AP3B1: variants seen among roughly 807,000 people sequenced by gnomAD.
AP3B1 encodes adaptor related protein complex 3 subunit beta 1, also known as AP-3 complex subunit beta-1.
In AP3B1, 61 loss-of-function variants were observed where a neutral mutation model predicts 132.5. The ratio of observed to expected loss-of-function variants is 0.46; its 90% CI spans 0.37 to 0.57. The LOEUF (loss-of-function observed/expected upper bound fraction) is 0.57, where lower values mean the gene tolerates loss of function less well. Among genes scored for constraint, AP3B1 ranks in the 20% least tolerant of loss-of-function variants. AP3B1 has a pLI of 0.00. For synonymous variants in AP3B1, 388 were observed against 438.3 expected (o/e 0.89, Z 1.43); for missense variants, 1,120 against 1,289.4 (o/e 0.87, Z 2.01).
chr5:78,149,775 C>G (rs1161581918), intron 14 of AP3B1, among the ~76,000 whole-genome samples: 1 of 152,186 alleles, frequency 6.6e-6, no homozygotes, highest in Non-Finnish European at 1.5e-5. Context: ...TCAAATTACT[C>G]TCTTAACCCC....
chr5:78,008,136 C>T (rs1223234397), intron 26 of AP3B1, among the ~76,000 whole-genome samples: 1 of 151,898 alleles, frequency 6.6e-6, no homozygotes, highest in Admixed American at 6.6e-5. Flanking sequence ...AGACATAAAA[C>T]ATCCCAGTTA....
intron 15 of AP3B1, among the ~76,000 whole-genome samples, chr5:78,139,311 T>C (rs979080034): frequency 5.3e-5 from 8 of 152,162 alleles, no homozygotes; most frequent in Admixed American, 6.5e-5. Context: ...AGGTATCATA[T>C]TGACTTTTGC....
intron 22 of AP3B1, chr5:78,041,900 G>A: frequency 2.1e-5 from 4 of 194,850 alleles, no homozygotes; most frequent in Non-Finnish European, 1.1e-5. Context: ...TCAGGCAGCT[G>A]CAGACTCTCC....
intron 1 of AP3B1, among the ~76,000 whole-genome samples, chr5:78,277,740 CA>C (rs1161482808): frequency 6.6e-6 from 1 of 152,148 alleles, no homozygotes; most frequent in East Asian, 1.9e-4. Context: ...GTTGAAAAAA[CA>C]AATGAAAGCA....
intron 1 of AP3B1, among the ~76,000 whole-genome samples, chr5:78,283,826 CT>C (rs33966526): frequency 0.23 from 34,316 of 152,190 alleles, 4,544 homozygotes; most frequent in Middle Eastern, 0.31. Flanking sequence ...CCAAGGTGAT[CT>C]TTTTAAAAAA....
chr5:78,079,778 A>G (rs1749910729), intron 22 of AP3B1, among the ~76,000 whole-genome samples: 1 of 152,214 alleles, frequency 6.6e-6, no homozygotes, highest in Non-Finnish European at 1.5e-5. Context: ...TCCCCCATCG[A>G]GCATCATGAG....
chr5:78,011,542 T>A (rs1228427742), intron 26 of AP3B1, among the ~76,000 whole-genome samples: 1 of 152,218 alleles, frequency 6.6e-6, no homozygotes, highest in Non-Finnish European at 1.5e-5. Flanking sequence ...TTTAAAAGTG[T>A]TAACGAAATA....
At chr5:78,069,154 A>C (rs1366859551) in intron 22 of AP3B1, among the ~76,000 whole-genome samples, 1 of 152,272 alleles carries the variant, frequency 6.6e-6, no homozygotes, top group Non-Finnish European at 1.5e-5. Context: ...CAATTATCAT[A>C]CTGAATGGGC....
chr5:78,190,676 T>C (rs1324067980), intron 7 of AP3B1, among the ~76,000 whole-genome samples: 1 of 152,192 alleles, frequency 6.6e-6, no homozygotes, highest in African/African-American at 2.4e-5. Context: ...TACTCATCTA[T>C]AAAAGCAGTA....
In AP3B1 at chr5:78,181,549, T is replaced by A. The variant is rs780112036; in HGVS notation, c.900A>T (p.Leu300Phe). The change falls in exon 8 of 27, where the codon TTA becomes TTT. Residue 300 changes from leucine to phenylalanine, a missense_variant. Leu to Phe is a conservative substitution (Grantham distance 22). This residue lies in a region of AP3B1 where 906 missense variants were observed against 997.1 expected (regional missense o/e 0.91). Transcript: ENST00000255194. Reference sequence around the variant, plus strand: ...GAAGCAAAGGCTTTGTATTTCTAATTAAGAGTCTATGATCTGGATCCATAG... The same window carrying A: ...GAAGCAAAGGCTTTGTATTTCTAATAAAGAGTCTATGATCTGGATCCATAG... The part of the protein sequence containing the change: ...PYTMDPDHRL[L>F]IRNTKPLLQS... 1 of 1,613,252 alleles carries A rather than the reference T, an allele frequency of 6.2e-7. No individual in the cohort carries two copies. The highest frequency in any genetic ancestry group is 1.7e-5 in the Admixed American group (1 of 59,990).
chr5:78,048,022 A>G (rs999558209), intron 22 of AP3B1, among the ~76,000 whole-genome samples: 1 of 152,218 alleles, frequency 6.6e-6, no homozygotes, highest in Non-Finnish European at 1.5e-5. Flanking sequence ...GGTGAATAGG[A>G]GCTAAAATCC....
intron 22 of AP3B1, among the ~76,000 whole-genome samples, chr5:78,064,410 T>C (rs1749190299): frequency 6.6e-6 from 1 of 152,226 alleles, no homozygotes; most frequent in Non-Finnish European, 1.5e-5. Context: ...TCATTTGTAC[T>C]TTCCTTGTTA....
At chr5:78,247,084 T>C (rs1283239922) in intron 2 of AP3B1, among the ~76,000 whole-genome samples, 2 of 151,876 alleles carry the variant, frequency 1.3e-5, no homozygotes, top group East Asian at 3.8e-4. Flanking sequence ...TCATCATTTC[T>C]AAATGTATAA....
intron 3 of AP3B1, among the ~76,000 whole-genome samples, chr5:78,231,086 C>A (rs1164553808): frequency 6.6e-6 from 1 of 151,808 alleles, no homozygotes; most frequent in Non-Finnish European, 1.5e-5. Flanking sequence ...CACCACTGCA[C>A]CCCAGCCTGG....
intron 1 of AP3B1, among the ~76,000 whole-genome samples, chr5:78,281,286 T>A (rs914898580): frequency 1.3e-5 from 2 of 151,890 alleles, no homozygotes; most frequent in African/African-American, 4.8e-5. Flanking sequence ...AGCACAAAAT[T>A]AGCCGGGCAT....
At chr5:78,127,934 AT>A in intron 17 of AP3B1, 95 bp downstream of exon 17, 1 of 1,449,882 alleles carries the variant, frequency 6.9e-7, no homozygotes, top group Non-Finnish European at 9.6e-7. Context: ...ACAATTTTCA[AT>A]TTTCAACTCT....
At chr5:78,256,099 C>T (rs534923521) in intron 2 of AP3B1, among the ~76,000 whole-genome samples, 101 of 151,628 alleles carry the variant, frequency 6.7e-4, no homozygotes, top group African/African-American at 2.3e-3. Flanking sequence ...CACAATCTAA[C>T]GATGCATCTT....
At chr5:78,273,699 G>C (rs1193169398) in intron 1 of AP3B1, among the ~76,000 whole-genome samples, 1 of 152,144 alleles carries the variant, frequency 6.6e-6, no homozygotes, top group Non-Finnish European at 1.5e-5. Flanking sequence ...CCTCAGAAGA[G>C]AGGCTTTGGT....
At chr5:78,041,370 C>A (rs981855524) in intron 22 of AP3B1, among the ~76,000 whole-genome samples, 1 of 151,610 alleles carries the variant, frequency 6.6e-6, no homozygotes, top group Admixed American at 6.6e-5. Flanking sequence ...CCAGCCTGGG[C>A]AACATGGTGA....
Sources: gnomAD v4.1 joint callset for allele counts (sites outside exome capture counted in the v4.1 genomes callset) on GRCh38, gnomAD v4.1.1 for gene constraint, gnomAD v4.1.1 regional missense constraint, MANE v1.5 for transcripts, NCBI Gene and HGNC (gene_info 2026-07-23, HGNC 2026-07-21) for gene names.